JAKMIP1: variants seen among roughly 807,000 people sequenced by gnomAD.
The protein encoded by JAKMIP1 is janus kinase and microtubule interacting protein 1, also known as janus kinase and microtubule-interacting protein 1.
JAKMIP1 carries 33 observed loss-of-function variants against 113.0 expected under a neutral mutation model. The observed-to-expected ratio is 0.29, with a 90% CI of 0.22 to 0.39. The LOEUF is 0.39. JAKMIP1 is among the 10% of genes least tolerant of loss of function. JAKMIP1 has a pLI of 1.00. For synonymous variants in JAKMIP1, 480 were observed against 459.9 expected (o/e 1.04, Z -0.56); for missense variants, 813 against 1,080.5 (o/e 0.75, Z 3.47).
At chr4:6,092,258 T>G (rs1404692547) in intron 3 of JAKMIP1, among the ~76,000 whole-genome samples, 1 of 152,030 alleles carries the variant, frequency 6.6e-6, no homozygotes, top group African/African-American at 2.4e-5. Context: ...AGCCCTGTAC[T>G]GTCAGTGAGA....
Position 6,044,150 on chromosome 4 carries a change from G to A in JAKMIP1, c.2029-1923C>T, listed in dbSNP as rs1021439847. On this transcript the variant is annotated intron_variant, in intron 16 of 20. Coordinates refer to ENST00000409021, the MANE Select transcript of JAKMIP1 (RefSeq NM_001099433.2). The surrounding 1 kb of genome is among the most constrained non-coding windows in gnomAD (Gnocchi z 4.4). ...GCTAACCTCCATGGTGCCCATGTCA[G>A]TCATCTTGTGAATGCCGGGTCGTAG... Among the ~76,000 whole-genome samples the A allele has an allele frequency of 6.6e-6, 1 of 151,340 alleles. No homozygotes were observed. Among genetic ancestry groups the A allele is most frequent in the Admixed American group, 6.6e-5 (1 of 15,234 alleles).
chr4:6,071,538 T>C (rs1332414189), intron 8 of JAKMIP1, among the ~76,000 whole-genome samples: 1 of 152,228 alleles, frequency 6.6e-6, no homozygotes, highest in Non-Finnish European at 1.5e-5. Flanking sequence ...TTTCCTTCCC[T>C]GTGTGAACAA....
rs377439308 is a variant in JAKMIP1, at chr4:6,098,663, A to G, written c.624+6810T>C. Among the ~76,000 whole-genome samples, 322 of 116,914 alleles carry G rather than the reference A, an allele frequency of 2.8e-3. 2 individuals are homozygous for G. Among genetic ancestry groups the G allele is most frequent in the South Asian group, 4.7e-3 (16 of 3,432 alleles). 76.7% of individuals were successfully genotyped at this position (116,914 alleles called of 152,430 possible). On this transcript the variant is annotated intron_variant, in intron 3 of 20. Coordinates refer to ENST00000409021, the MANE Select transcript of JAKMIP1 (RefSeq NM_001099433.2). The stretch of plus-strand genomic sequence containing the variant: ...AAGAAAGAAAGGAAAGGAAAGGAAG[A>G]AAGAGAGAGAAAGAAAGAAAGAAAG...
At position 6,106,082 on chromosome 4, in the gene JAKMIP1, G is replaced by A; in HGVS notation, c.130-115C>T. On this transcript the variant is annotated intron_variant, in intron 2 of 20. Coordinates refer to ENST00000409021, the MANE Select transcript of JAKMIP1 (RefSeq NM_001099433.2). The surrounding 1 kb of genome is among the most constrained non-coding windows in gnomAD (Gnocchi z 5.9). ...CTCCCCACGCCCAAGACACCCACCT[G>A]GGCCCACGTTCCCATGGATTCCCCC... 2 of 680,670 alleles carry A rather than the reference G, an allele frequency of 2.9e-6. No homozygotes were observed. The highest frequency in any genetic ancestry group is 4.9e-6 in the Non-Finnish European group (2 of 409,048). The allele number at this position is 680,670 out of a possible 1,614,324, so 42.2% of individuals were successfully genotyped here.
chr4:6,176,918 A>G lies in JAKMIP1; in HGVS notation c.-148+23335T>C, dbSNP rs1725404741. ...CATGGTGGCATGTGCCTGTAGTCTC[A>G]GCTACTGGGGAGGCTGAGGTGGGAG... is the stretch of plus-strand genomic sequence containing the variant. On this transcript the variant is annotated intron_variant, in intron 1 of 20. Transcript: ENST00000409021. The surrounding 1 kb of genome is among the most constrained non-coding windows in gnomAD (Gnocchi z 5.5). Among the ~76,000 whole-genome samples, 1 of 152,192 alleles carries G rather than the reference A, an allele frequency of 6.6e-6. No homozygotes were observed. Among genetic ancestry groups the G allele is most frequent in the Non-Finnish European group, 1.5e-5 (1 of 68,032 alleles).
chr4:6,043,347 C>T (rs922999642), intron 16 of JAKMIP1, among the ~76,000 whole-genome samples: 1 of 152,024 alleles, frequency 6.6e-6, no homozygotes, highest in Non-Finnish European at 1.5e-5. Flanking sequence ...CTTGCTTTCC[C>T]TCTCCTCTGG....
At position 6,065,102 on chromosome 4, in the gene JAKMIP1, T is replaced by C. The variant is rs997252057; in HGVS notation, c.1303-94A>G. ...TGGGCATGCCAGTGCAGGGGGGTGA[T>C]GATTGACATTTGGGCCACTGGGGCA... On this transcript the variant is annotated intron_variant, in intron 8 of 20. Transcript: ENST00000409021. This position sits in a 1 kb window ranked among gnomAD's most constrained non-coding sequence, Gnocchi z 5.1. 5 of 1,495,994 alleles carry C rather than the reference T, an allele frequency of 3.3e-6. No homozygotes were observed. The highest frequency in any genetic ancestry group is 3.4e-5 in the Admixed American group (2 of 59,348). 92.7% of individuals were successfully genotyped at this position (1,495,994 alleles called of 1,614,324 possible). A position where few individuals can be genotyped will look rare whatever the true frequency, so the allele number is the denominator to read the frequency against.
Position 6,188,022 on chromosome 4 carries a change from T to C in JAKMIP1, c.-148+12231A>G, listed in dbSNP as rs754141588. Among the ~76,000 whole-genome samples, 8 of 152,242 alleles carry C rather than the reference T, an allele frequency of 5.3e-5. No homozygotes were observed. The highest frequency in any genetic ancestry group is 1.0e-4 in the Non-Finnish European group (7 of 68,046). The stretch of plus-strand genomic sequence containing the variant: ...AAGAGGTATTTCTTTTAAATGTAGA[T>C]AGCAGAATTACCTTTCTGACAATGT... On this transcript the variant is annotated intron_variant, in intron 1 of 20. Coordinates refer to ENST00000409021, the MANE Select transcript of JAKMIP1 (RefSeq NM_001099433.2). The surrounding 1 kb of genome is among the most constrained non-coding windows in gnomAD (Gnocchi z 5.8).
chr4:6,035,878 T>C lies in JAKMIP1; in HGVS notation c.2379+26A>G, dbSNP rs565768243. 8.5e-6 allele frequency: 13 copies of C among 1,534,102 alleles called. No individual in the cohort carries two copies. In the African/African-American group the frequency reaches 1.2e-4, roughly 15 times the overall value. On this transcript the variant is annotated intron_variant, in intron 19 of 20. Coordinates refer to ENST00000409021, the MANE Select transcript of JAKMIP1 (RefSeq NM_001099433.2). ...GGACAACAAGGGTGCCGGGGTGCTG[T>C]GGGCACAGCCGCTGTTGCCGCCTAC...
intron 16 of JAKMIP1, among the ~76,000 whole-genome samples, chr4:6,045,991 C>G (rs995428085): frequency 6.6e-6 from 1 of 152,228 alleles, no homozygotes; most frequent in East Asian, 1.9e-4. Context: ...TAACTGGGGC[C>G]TGTCAGCAAG....
At position 6,104,736 on chromosome 4, in the gene JAKMIP1, A is replaced by G. The variant is rs1294207761; in HGVS notation, c.624+737T>C. ...CCCCCTCCCTTTGTCTCCTACGTCC[A>G]GTGAGGGCATGGGAGCTGTCATTCT... is the stretch of plus-strand genomic sequence containing the variant. On this transcript the variant is annotated intron_variant, in intron 3 of 20. Coordinates refer to ENST00000409021, the MANE Select transcript of JAKMIP1 (RefSeq NM_001099433.2). Among the ~76,000 whole-genome samples, 8 of 151,988 alleles carry G rather than the reference A, an allele frequency of 5.3e-5. No individual in the cohort carries two copies. The East Asian group carries it at 1.5e-3, about 29-fold the overall frequency.
chr4:6,139,853 G>C lies in JAKMIP1; in HGVS notation c.-147-26856C>G, dbSNP rs754043569. On this transcript the variant is annotated intron_variant, in intron 1 of 20. Transcript: ENST00000409021. The surrounding 1 kb of genome is among the most constrained non-coding windows in gnomAD (Gnocchi z 5.2). ...GAGACAAAGGAGAACACCATGTGAC[G>C]ACGAAGGAGGAGGTCACGGGGCAGA... Among the ~76,000 whole-genome samples the C allele has an allele frequency of 2.5e-4, 38 of 152,044 alleles. No homozygotes were observed. Among genetic ancestry groups the C allele is most frequent in the Non-Finnish European group, 5.0e-4 (34 of 68,002 alleles).
intron 1 of JAKMIP1, among the ~76,000 whole-genome samples, chr4:6,145,065 G>T (rs1357541253): frequency 1.3e-5 from 2 of 152,274 alleles, no homozygotes; most frequent in East Asian, 3.9e-4. Flanking sequence ...AAAATTAACT[G>T]TATTCCTATA....
rs1720334427 is a variant in JAKMIP1 at position 6,142,701 on chromosome 4, G to A, written c.-147-29704C>T. 6.6e-6 allele frequency among the ~76,000 whole-genome samples: 1 copy of A among 152,192 alleles called. No homozygotes were observed. The highest frequency in any genetic ancestry group is 1.5e-5 in the Non-Finnish European group (1 of 68,040). On this transcript the variant is annotated intron_variant, in intron 1 of 20. Transcript: ENST00000409021. This position sits in a 1 kb window ranked among gnomAD's most constrained non-coding sequence, Gnocchi z 5.5. Reference sequence around the variant, plus strand: ...CCCAGCCGCCACCCTGAGGTTTCCAGGAGATGGCAATGGATGGGGTGCTCT... The same window carrying A: ...CCCAGCCGCCACCCTGAGGTTTCCAAGAGATGGCAATGGATGGGGTGCTCT...
rs891756671 is a variant in JAKMIP1, at chr4:6,184,618, G to A, written c.-148+15635C>T. On this transcript the variant is annotated intron_variant, in intron 1 of 20. Coordinates refer to ENST00000409021, the MANE Select transcript of JAKMIP1 (RefSeq NM_001099433.2). This position sits in a 1 kb window ranked among gnomAD's most constrained non-coding sequence, Gnocchi z 4.5. ...ACTCTAGGAAACAAGGGTCCCCCGC[G>A]CTCACCTGTAGATTCAGCAAGAGAG... is the stretch of plus-strand genomic sequence containing the variant. Among the ~76,000 whole-genome samples, 6 of 152,198 alleles carry A rather than the reference G, an allele frequency of 3.9e-5. No individual in the cohort carries two copies. The highest frequency in any genetic ancestry group is 1.4e-4 in the African/African-American group (6 of 41,446).
rs1232269404 is a variant in JAKMIP1 at position 6,141,793 on chromosome 4, C to T, written c.-147-28796G>A. On this transcript the variant is annotated intron_variant, in intron 1 of 20. Transcript: ENST00000409021. The surrounding 1 kb of genome is among the most constrained non-coding windows in gnomAD (Gnocchi z 9.4). ...TGACTGTCCACTCTTCGGCAACCTC[C>T]CTGGCCACTGAGCAGCCCGGTGGGA... is the stretch of plus-strand genomic sequence containing the variant. Among the ~76,000 whole-genome samples the T allele has an allele frequency of 6.6e-6, 1 of 152,238 alleles. No homozygotes were observed. The highest frequency in any genetic ancestry group is 1.9e-4 in the East Asian group (1 of 5,198).
rs1053768567 is a variant in JAKMIP1, at chr4:6,042,332, A to C, written c.2029-105T>G. 1 of 900,772 alleles carries C rather than the reference A, an allele frequency of 1.1e-6. No individual in the cohort carries two copies. The highest frequency in any genetic ancestry group is 1.8e-6 in the Non-Finnish European group (1 of 550,650). 55.8% of individuals were successfully genotyped at this position (900,772 alleles called of 1,614,324 possible). The stretch of plus-strand genomic sequence containing the variant: ...GAATTTCATAGATCGGCTTCCTCAG[A>C]GTGTGCTCAGGAATGGGTCAGGTCA... On this transcript the variant is annotated intron_variant, in intron 16 of 20. Transcript: ENST00000409021. This position sits in a 1 kb window ranked among gnomAD's most constrained non-coding sequence, Gnocchi z 5.2.
chr4:6,110,449 C>A (rs1157266187), intron 2 of JAKMIP1, among the ~76,000 whole-genome samples: 1 of 151,418 alleles, frequency 6.6e-6, no homozygotes, highest in Non-Finnish European at 1.5e-5. Context: ...GTTACTGCAG[C>A]CCTGGCAAGC....
rs1229923984 is a variant in JAKMIP1 at position 6,094,120 on chromosome 4, T to C, written c.625-8491A>G. Among the ~76,000 whole-genome samples, 2 of 151,876 alleles carry C rather than the reference T, an allele frequency of 1.3e-5. No homozygotes were observed. Among genetic ancestry groups the C allele is most frequent in the East Asian group, 1.9e-4 (1 of 5,148 alleles). On this transcript the variant is annotated intron_variant, in intron 3 of 20. Transcript: ENST00000409021. The surrounding 1 kb of genome is among the most constrained non-coding windows in gnomAD (Gnocchi z 4.2). ...GAGGCTGGCCCAGCAGGCATCTATA[T>C]AGGGAACATGCATCGAACACATGCC...
Sources: allele counts gnomAD v4.1 joint callset (sites outside exome capture counted in the v4.1 genomes callset), GRCh38; gene constraint gnomAD v4.1.1; non-coding constraint Gnocchi (gnomAD v3.1); transcripts MANE v1.5; gene names NCBI Gene and HGNC (gene_info 2026-07-23, HGNC 2026-07-21).